The following SYAP1 variants were observed in gnomAD, a reference collection of about 807,000 sequenced individuals.
SYAP1 encodes the protein synapse associated protein 1.
SYAP1 carries 3 observed loss-of-function variants against 29.6 expected under a neutral mutation model. That is an observed-to-expected ratio of 0.10 (90% CI 0.05 to 0.26). SYAP1 has a LOEUF of 0.26. Among genes scored for constraint, SYAP1 ranks in the 10% least tolerant of loss-of-function variants. The pLI is 1.00. For missense variants in SYAP1, 217 were observed against 264.1 expected (o/e 0.82, Z 1.24); for synonymous variants, 102 against 102.7 (o/e 0.99, Z 0.04).
Position 16,736,212 on chromosome X carries a change from A to C in SYAP1, c.341A>C (p.Glu114Ala). 8.4e-7 allele frequency: 1 copy of C among 1,194,454 alleles called. No homozygotes were observed. The highest frequency in any genetic ancestry group is 1.1e-6 in the Non-Finnish European group (1 of 879,987). Residue 114 changes from glutamate to alanine, a missense_variant, in exon 3 of 9, where the codon GAG (glutamate) becomes GCG (alanine). Glu to Ala is a moderately radical substitution (Grantham distance 107, BLOSUM62 -1). Coordinates refer to ENST00000380155, the MANE Select transcript of SYAP1 (RefSeq NM_032796.4). ...AAGGAACAGAAAAAATTTGTTGAAG[A>C]GCAACATACAAAGAAGTCAGGTATG... ...FQKEQKKFVE[E>A]QHTKKSEAAV...
intron 1 of SYAP1, among the ~76,000 whole-genome samples, chrX:16,722,799 T>C (rs1159201819): frequency 8.9e-6 from 1 of 111,972 alleles, no homozygotes; most frequent in Non-Finnish European, 1.9e-5. Context: ...GAACAATTTA[T>C]AGGAGAACTC....
chrX:16,757,180 A>G lies in SYAP1; in HGVS notation c.802A>G (p.Thr268Ala), dbSNP rs983849608. ...ATTTCAGGATGAGGAAGAAATTTCT[A>G]CTAGCCCAGGTGTTTCTGAGTTTGT... ...KTQEDEEEIS[T>A]SPGVSEFVSD... Residue 268 changes from threonine to alanine, a missense_variant, in exon 8 of 9, where the codon ACT becomes GCT. By Grantham distance (58) the Thr-to-Ala change is moderately conservative. Coordinates refer to ENST00000380155, the MANE Select transcript of SYAP1 (RefSeq NM_032796.4). The G allele has an allele frequency of 7.4e-6, 9 of 1,209,790 alleles. No homozygotes were observed. The highest frequency in any genetic ancestry group is 2.3e-4 in the Middle Eastern group (1 of 4,374).
intron 4 of SYAP1, among the ~76,000 whole-genome samples, 175 bp from the exon 5 acceptor site, chrX:16,743,526 C>T (rs1288666358): frequency 5.6e-5 from 6 of 106,240 alleles, no homozygotes; most frequent in Non-Finnish European, 7.7e-5. Context: ...CCCAGCTACT[C>T]GGGAGACTGA....
intron 1 of SYAP1, among the ~76,000 whole-genome samples, chrX:16,720,882 G>A (rs1454651616): frequency 2.7e-5 from 3 of 110,071 alleles, no homozygotes; most frequent in East Asian, 2.9e-4. Context: ...GCGTGGTGGC[G>A]GGCACCTGTA....
At chrX:16,720,432 A>C (rs1925934169) in intron 1 of SYAP1, among the ~76,000 whole-genome samples, 1 of 112,238 alleles carries the variant, frequency 8.9e-6, no homozygotes, top group Non-Finnish European at 1.9e-5. Flanking sequence ...ACTGTCTGCT[A>C]TACGCAAGTT....
intron 1 of SYAP1, among the ~76,000 whole-genome samples, chrX:16,730,696 T>G (rs1926187432): frequency 8.9e-6 from 1 of 112,532 alleles, no homozygotes; most frequent in African/African-American, 3.2e-5. Flanking sequence ...CTTTCACAAC[T>G]TACACAGACA....
At chrX:16,742,995 T>G (rs1051359101) in intron 4 of SYAP1, among the ~76,000 whole-genome samples, 1 of 95,118 alleles carries the variant, frequency 1.1e-5, no homozygotes, top group African/African-American at 4.1e-5. Context: ...TGTCTCAAAA[T>G]AAAGAAAGAA....
Position 16,756,678 on chromosome X carries a change from A to G in SYAP1, c.740A>G (p.Lys247Arg). 1 of 1,211,864 alleles carries G rather than the reference A, an allele frequency of 8.3e-7. No individual in the cohort carries two copies. The highest frequency in any genetic ancestry group is 1.8e-5 in the South Asian group (1 of 57,013). Residue 247 changes from lysine to arginine, a missense_variant, in exon 7 of 9, where the codon AAA becomes AGA. Lys to Arg is a conservative substitution (Grantham distance 26). Transcript: ENST00000380155. The stretch of plus-strand genomic sequence containing the variant: ...CACTTCTTAGAGGCAGTACGGCCCA[A>G]AACGCCACCCGTTGTAATCAAATCT... ...DLPLAEAVRPKTPPVVIKSQL... is the reference protein window; with the variant it reads ...DLPLAEAVRPRTPPVVIKSQL...
chrX:16,726,160 A>G (rs1926078228), intron 1 of SYAP1, among the ~76,000 whole-genome samples: 1 of 112,154 alleles, frequency 8.9e-6, no homozygotes, highest in South Asian at 3.7e-4. Flanking sequence ...AAAGTTTTCC[A>G]GAGCTTATAT....
At chrX:16,727,603 G>A (rs1046768029) in intron 1 of SYAP1, among the ~76,000 whole-genome samples, 9 of 112,344 alleles carry the variant, frequency 8.0e-5, no homozygotes, top group African/African-American at 2.6e-4. Flanking sequence ...TCGGCCTCCC[G>A]AAGTGCTGGG....
chrX:16,743,237 A>C (rs1413808651), intron 4 of SYAP1, among the ~76,000 whole-genome samples: 1 of 109,770 alleles, frequency 9.1e-6, no homozygotes, highest in East Asian at 2.8e-4. Context: ...CTGAGGCAGG[A>C]GAATTGCTTG....
intron 5 of SYAP1, among the ~76,000 whole-genome samples, chrX:16,746,930 C>T (rs1926622753): frequency 9.0e-6 from 1 of 111,639 alleles, no homozygotes; most frequent in Non-Finnish European, 1.9e-5. Flanking sequence ...TTTTTTACTA[C>T]ATATGCTCAC....
chrX:16,723,464 T>C lies in SYAP1; in HGVS notation c.175+3565T>C, dbSNP rs1335164104. ...CCTTATGAGGATAGACCTGAGGCTG[T>C]GGGGTAGAAATGACTAGAGAAGTGA... On this transcript the variant is annotated intron_variant, in intron 1 of 8. Coordinates refer to ENST00000380155, the MANE Select transcript of SYAP1 (RefSeq NM_032796.4). Among the ~76,000 whole-genome samples, 3 of 111,525 alleles carry C rather than the reference T, an allele frequency of 2.7e-5. No individual in the cohort carries two copies. The Admixed American group carries it at 2.9e-4, about 11-fold the overall frequency.
rs762381957 is a variant in SYAP1 at position 16,755,044 on chromosome X, A to G, written c.675A>G (p.Ala225=). 5 of 1,211,605 alleles carry G rather than the reference A, an allele frequency of 4.1e-6. No individual in the cohort carries two copies. In the South Asian group the frequency reaches 7.0e-5, roughly 17 times the overall value. The change falls in exon 6 of 9, where the codon GCA becomes GCG. Residue 225 remains alanine (A), a synonymous_variant. Coordinates refer to ENST00000380155, the MANE Select transcript of SYAP1 (RefSeq NM_032796.4). ...CCCTGGCTGCCCAACAGCAGGCCGC[A>G]GGGAAGGAGGAGAAGAGCAATGGCA... ...LTALAAQQQA[A]GKEEKSNGRE...
chrX:16,757,319 A>G lies in SYAP1; in HGVS notation c.931+10A>G. 1 of 1,192,697 alleles carries G rather than the reference A, an allele frequency of 8.4e-7. No individual in the cohort carries two copies. The highest frequency in any genetic ancestry group is 1.1e-6 in the Non-Finnish European group (1 of 886,620). ...ACAGCCGTACTGGAAGGTAAAAAAC[A>G]AAACAAATCAAAGCAAAGAAACTAT... On this transcript the variant is annotated intron_variant, in intron 8 of 8. Coordinates refer to ENST00000380155, the MANE Select transcript of SYAP1 (RefSeq NM_032796.4).
At chrX:16,729,212 G>A (rs1168595979) in intron 1 of SYAP1, among the ~76,000 whole-genome samples, 1 of 110,756 alleles carries the variant, frequency 9.0e-6, no homozygotes, top group Non-Finnish European at 1.9e-5. Flanking sequence ...ACACATATAT[G>A]GCCCAAAGAA....
chrX:16,748,251 G>T (rs1163438901), intron 5 of SYAP1, among the ~76,000 whole-genome samples: 1 of 111,789 alleles, frequency 8.9e-6, no homozygotes. Flanking sequence ...TGATACTCAC[G>T]GTAGGTAGGT....
At chrX:16,758,911 C>T (rs1008165467) in intron 8 of SYAP1, among the ~76,000 whole-genome samples, 6 of 109,032 alleles carry the variant, frequency 5.5e-5, no homozygotes, top group Admixed American at 1.0e-4. Flanking sequence ...AGGCTGGGCA[C>T]GGTGGCTCAT....
At chrX:16,740,104 C>T (rs1226410387) in intron 3 of SYAP1, among the ~76,000 whole-genome samples, 5 of 111,162 alleles carry the variant, frequency 4.5e-5, no homozygotes, top group Admixed American at 9.7e-5. Flanking sequence ...CTGACCTCCT[C>T]TTCCTAGTCC....
Sources: gnomAD v4.1 joint callset for allele counts (sites outside exome capture counted in the v4.1 genomes callset) on GRCh38, gnomAD v4.1.1 for gene constraint, MANE v1.5 for transcripts, NCBI Gene and HGNC (gene_info 2026-07-23, HGNC 2026-07-21) for gene names.